The following P2RX3 variants were observed in gnomAD, a reference collection of about 807,000 sequenced individuals.
P2RX3 encodes the protein P2X purinoceptor 3.
In P2RX3, 41 loss-of-function variants were observed where a neutral mutation model predicts 51.5. The ratio of observed to expected loss-of-function variants is 0.80; its 90% CI spans 0.62 to 1.03. The LOEUF (loss-of-function observed/expected upper bound fraction) is 1.03. Ranked by LOEUF, P2RX3 falls within the 50% of genes least tolerant of loss-of-function variation. The pLI is 0.00. For synonymous variants in P2RX3, 185 were observed against 191.6 expected (o/e 0.97, Z 0.29); for missense variants, 459 against 522.1 (o/e 0.88, Z 1.18).
intron 8 of P2RX3, among the ~76,000 whole-genome samples, chr11:57,357,030 T>C (rs1372963847): frequency 6.6e-6 from 1 of 152,148 alleles, no homozygotes; most frequent in East Asian, 1.9e-4. Context: ...AGAGAACATT[T>C]TAGAGCCAGG....
chr11:57,347,059 C>T (rs1178942383), intron 2 of P2RX3, 57 bp from the exon 3 acceptor site: 2 of 1,489,112 alleles, frequency 1.3e-6, no homozygotes, highest in East Asian at 2.3e-5. Flanking sequence ...AGTTATAGTC[C>T]CTGTCTCACT....
Position 57,350,989 on chromosome 11 carries a change from A to AC in P2RX3, c.842+94dup, listed in dbSNP as rs3832768. On this transcript the variant is annotated intron_variant, in intron 8 of 11. Transcript: ENST00000263314. ...GGGAGACAAGATCCCACATCCATCC[A>AC]CCCACCCCTGGCCCCAAGTCCCACC... is the stretch of plus-strand genomic sequence containing the variant. The AC allele has an allele frequency of 1.4e-4, 214 of 1,548,444 alleles. 1 individual carries two copies. The East Asian group carries it at 1.7e-3, about 12-fold the overall frequency.
chr11:57,347,202 G>C lies in P2RX3; in HGVS notation c.327+15G>C, dbSNP rs773116662. The C allele has an allele frequency of 7.4e-6, 12 of 1,612,214 alleles. No homozygotes were observed. Among genetic ancestry groups the C allele is most frequent in the Non-Finnish European group, 9.3e-6 (11 of 1,178,958 alleles). On this transcript the variant is annotated intron_variant, in intron 3 of 11. Coordinates refer to ENST00000263314, the MANE Select transcript of P2RX3 (RefSeq NM_002559.5). ...TCTGCCCAGAGGTGAGGGGAGGACA[G>C]AGGTTGGGTGAAGCAGGTCAAGGCT...
At chr11:57,345,933 C>A (rs1171307897) in intron 1 of P2RX3, among the ~76,000 whole-genome samples, 2 of 151,140 alleles carry the variant, frequency 1.3e-5, no homozygotes, top group African/African-American at 4.9e-5. Flanking sequence ...AGCCGCTGTC[C>A]CCCGCTTCCT....
At chr11:57,348,000 TGGGTCTGG>T (rs1856472572) in intron 4 of P2RX3, among the ~76,000 whole-genome samples, 162 bp from the exon 5 acceptor site, 1 of 152,120 alleles carries the variant, frequency 6.6e-6, no homozygotes, top group Non-Finnish European at 1.5e-5. Flanking sequence ...TCCCTTTGGC[TGGGTCTGG>T]GGCTCAGGAG....
intron 8 of P2RX3, among the ~76,000 whole-genome samples, chr11:57,355,136 A>AG (rs1856608345): frequency 1.3e-5 from 2 of 152,196 alleles, no homozygotes; most frequent in African/African-American, 4.8e-5. Context: ...CACGGACCTG[A>AG]GGGGCACCTG....
At chr11:57,347,238 G>T in intron 3 of P2RX3, 51 bp downstream of exon 3, 1 of 1,588,282 alleles carries the variant, frequency 6.3e-7, no homozygotes, top group Non-Finnish European at 8.6e-7. Context: ...GAAAATGTTG[G>T]TGGGAGTGGG....
chr11:57,338,805 A>G, intron 1 of P2RX3, 136 bp downstream of exon 1: 3 of 620,206 alleles, frequency 4.8e-6, no homozygotes, highest in Admixed American at 2.3e-5. Flanking sequence ...TGTGGAGCCG[A>G]GTCTTAAAGA....
intron 8 of P2RX3, among the ~76,000 whole-genome samples, chr11:57,356,248 C>G: frequency 6.6e-6 from 1 of 152,084 alleles, no homozygotes; most frequent in East Asian, 1.9e-4. Flanking sequence ...ATATCCATTG[C>G]TTCCAGCATG....
chr11:57,349,703 C>T (rs1590628301), intron 6 of P2RX3, 54 bp from the exon 7 acceptor site: 5 of 1,610,594 alleles, frequency 3.1e-6, no homozygotes, highest in Middle Eastern at 1.7e-4. Flanking sequence ...AGAGATTGCA[C>T]AAGACGATCT....
chr11:57,356,814 T>TTTC (rs5792039), intron 8 of P2RX3, among the ~76,000 whole-genome samples: 52,783 of 151,912 alleles, frequency 0.35, 11,040 homozygotes, highest in East Asian at 0.67. Context: ...CATAATCCAT[T>TTTC]TTCTTCATCA....
At chr11:57,341,989 C>T (rs1856348076) in intron 1 of P2RX3, among the ~76,000 whole-genome samples, 1 of 152,012 alleles carries the variant, frequency 6.6e-6, no homozygotes, top group African/African-American at 2.4e-5. Context: ...GGAGGAGCTG[C>T]TCTGGTTTAA....
chr11:57,367,159 G>A (rs1372175477), intron 8 of P2RX3, among the ~76,000 whole-genome samples: 1 of 152,226 alleles, frequency 6.6e-6, no homozygotes, highest in Non-Finnish European at 1.5e-5. Flanking sequence ...CCTGACGTGT[G>A]TGGTTTCACT....
chr11:57,362,637 GA>G (rs1383897598), intron 8 of P2RX3, among the ~76,000 whole-genome samples: 6 of 152,242 alleles, frequency 3.9e-5, no homozygotes, highest in Admixed American at 2.0e-4. Context: ...GAACAGTGTA[GA>G]ATGCTGGCTA....
rs374446501 is a variant in P2RX3 at position 57,351,113 on chromosome 11, C to T, written c.842+215C>T. Among the ~76,000 whole-genome samples the T allele has an allele frequency of 9.2e-5, 14 of 152,262 alleles. No individual in the cohort carries two copies. In the East Asian group the frequency reaches 1.9e-3, roughly 21 times the overall value. On this transcript the variant is annotated intron_variant, in intron 8 of 11. Coordinates refer to ENST00000263314, the MANE Select transcript of P2RX3 (RefSeq NM_002559.5). ...GTCTCCTTATCACTGAAGGGGACCA[C>T]GCCAAGGATTCCTGCTGCAGGTCAG... is the stretch of plus-strand genomic sequence containing the variant.
At chr11:57,367,409 C>T (rs1029773345) in intron 8 of P2RX3, among the ~76,000 whole-genome samples, 10 of 152,162 alleles carry the variant, frequency 6.6e-5, no homozygotes, top group African/African-American at 2.2e-4. Context: ...ATCAGAATCA[C>T]TGATGGAAAT....
chr11:57,348,968 C>A (rs1373331511), intron 6 of P2RX3, among the ~76,000 whole-genome samples: 3 of 152,230 alleles, frequency 2.0e-5, no homozygotes, highest in Non-Finnish European at 4.4e-5. Flanking sequence ...AGGAGAGGGA[C>A]AACTTAGGCC....
Position 57,369,867 on chromosome 11 carries a change from A to C in P2RX3, c.1081-17A>C. On this transcript the variant is annotated splice_polypyrimidine_tract_variant and intron_variant, in intron 11 of 11. Coordinates refer to ENST00000263314, the MANE Select transcript of P2RX3 (RefSeq NM_002559.5). ...CCCATAGTCAGAACTTGACAACACCAGCTCTTTCGCCTGCAGGTGAATGAG... is the reference window on the plus strand; with the variant it reads ...CCCATAGTCAGAACTTGACAACACCCGCTCTTTCGCCTGCAGGTGAATGAG... 6.4e-7 allele frequency: 1 copy of C among 1,560,940 alleles called. No individual in the cohort carries two copies. Among genetic ancestry groups the C allele is most frequent in the Non-Finnish European group, 8.8e-7 (1 of 1,132,860 alleles).
In P2RX3 at chr11:57,370,129, C is replaced by T. The variant is rs961972809; in HGVS notation, c.*132C>T. The T allele has an allele frequency of 1.5e-6, 1 of 677,126 alleles. No homozygotes were observed. Among genetic ancestry groups the T allele is most frequent in the Non-Finnish European group, 2.5e-6 (1 of 395,044 alleles). 41.9% of individuals were successfully genotyped at this position (677,126 alleles called of 1,614,324 possible). ...TCATTCCATGAGCATAGCTGGGACC[C>T]AAGTGTCTGGGCCTCCGACTGCTCC... is the stretch of plus-strand genomic sequence containing the variant. On this transcript the variant is annotated 3_prime_UTR_variant, in exon 12 of 12. Coordinates refer to ENST00000263314, the MANE Select transcript of P2RX3 (RefSeq NM_002559.5).
Sources: gnomAD v4.1 joint callset for allele counts (sites outside exome capture counted in the v4.1 genomes callset) on GRCh38, gnomAD v4.1.1 for gene constraint, MANE v1.5 for transcripts, NCBI Gene and HGNC (gene_info 2026-07-23, HGNC 2026-07-21) for gene names.